Variants in MCM9 observed in about 807,000 individuals in gnomAD.
The protein encoded by MCM9 is DNA helicase MCM9.
MCM9 carries 55 observed loss-of-function variants against 72.8 expected under a neutral mutation model. That is an observed-to-expected ratio of 0.76 (90% CI 0.61 to 0.95). The LOEUF is 0.95. MCM9 is among the 40% of genes least tolerant of loss of function. The pLI, the probability that MCM9 is intolerant of heterozygous loss-of-function variation, is 0.00. For synonymous variants in MCM9, 480 were observed against 503.4 expected (o/e 0.95, Z 0.62); for missense variants, 1,279 against 1,377.0 (o/e 0.93, Z 1.13).
At chr6:118,869,219 T>C (rs1043424938) in intron 8 of MCM9, among the ~76,000 whole-genome samples, 1 of 151,930 alleles carries the variant, frequency 6.6e-6, no homozygotes, top group Admixed American at 6.6e-5. Flanking sequence ...ATGAGAACAC[T>C]TGGACACAAG....
In MCM9 at chr6:118,858,909, T is replaced by A. The variant is rs548322119; in HGVS notation, c.1151-2364A>T. 3.7e-4 allele frequency among the ~76,000 whole-genome samples: 57 copies of A among 152,278 alleles called. 3 individuals are homozygous for A. The South Asian group carries it at 0.012, about 31-fold the overall frequency. ...CAAGCAAAATCCTAGCATGATTTTT[T>A]AAAAAATAAATAAAGTGACAAGGTG... On this transcript the variant is annotated intron_variant, in intron 8 of 13. Transcript: ENST00000619706.
At chr6:118,881,220 T>C (rs1008729126) in intron 8 of MCM9, among the ~76,000 whole-genome samples, 1 of 152,106 alleles carries the variant, frequency 6.6e-6, no homozygotes, top group Non-Finnish European at 1.5e-5. Context: ...CAGCCAAGGA[T>C]TACGTATAAT....
At chr6:118,871,802 G>A (rs1009467102) in intron 8 of MCM9, among the ~76,000 whole-genome samples, 2 of 152,088 alleles carry the variant, frequency 1.3e-5, no homozygotes, top group African/African-American at 4.8e-5. Context: ...AGCTACTCAG[G>A]AGGCTGAGGC....
chr6:118,854,518 A>G (rs1005964163), intron 9 of MCM9, among the ~76,000 whole-genome samples: 4 of 152,030 alleles, frequency 2.6e-5, no homozygotes, highest in Non-Finnish European at 5.9e-5. Context: ...ATGCCCAACT[A>G]ATTTTTGTAT....
Position 118,931,471 on chromosome 6 carries a change from A to G in MCM9, c.253T>C (p.Ser85Pro), listed in dbSNP as rs1335421464. 3 of 1,613,998 alleles carry G rather than the reference A, an allele frequency of 1.9e-6. No homozygotes were observed. Among genetic ancestry groups the G allele is most frequent in the Non-Finnish European group, 2.5e-6 (3 of 1,179,942 alleles). Residue 85 changes from serine (S) to proline (P), a missense_variant, in exon 3 of 14, where the codon TCT becomes CCT. By Grantham distance (74) the Ser-to-Pro change is moderately conservative. Coordinates refer to ENST00000619706, the MANE Select transcript of MCM9 (RefSeq NM_017696.3). The stretch of plus-strand genomic sequence containing the variant: ...TTCATGGAAACAGCCTCAGGCTGAG[A>G]AAGGGACTGGAGAATTGTCAAGGCT... ...RSALTILQSL[S>P]QPEAVSMKQN... is the part of the protein sequence containing the mutation.
chr6:118,843,673 T>TATATATAC (rs1491145219), intron 9 of MCM9, among the ~76,000 whole-genome samples: 9 of 29,794 alleles, frequency 3.0e-4, no homozygotes, highest in Non-Finnish European at 4.3e-4. Flanking sequence ...TATATATGTA[T>TATATATAC]GTATATATAT....
Position 118,826,251 on chromosome 6 carries a change from G to C in MCM9, c.1857C>G (p.Ser619=). The C allele has an allele frequency of 6.4e-7, 1 of 1,550,508 alleles. No individual in the cohort carries two copies. The highest frequency in any genetic ancestry group is 1.2e-5 in the South Asian group (1 of 84,058). Residue 619 remains serine, a synonymous_variant, in exon 13 of 14, where the codon TCC becomes TCG. Coordinates refer to ENST00000619706, the MANE Select transcript of MCM9 (RefSeq NM_017696.3). The stretch of plus-strand genomic sequence containing the variant: ...ACTGCTCTCCAGGGTTTTCAGGAAA[G>C]GAAGTGTGGAGGGCATTCACACCTC... ...LLGGVNALHT[S]FPENPGEQYQ... is the part of the protein sequence containing the mutation.
chr6:118,931,626 T>A lies in MCM9; in HGVS notation c.98A>T (p.Asp33Val). ...CACAACTGGGTAATGAGCATCTTCA[T>A]CCCTTTCCTTCAAGATTAGAAGAAT... ...NDILLILKER[D>V]EDAHYPVVVN... Residue 33 changes from aspartate to valine, a missense_variant, in exon 3 of 14, where the codon GAT becomes GTT. Asp to Val is a radical substitution (Grantham distance 152). Coordinates refer to ENST00000619706, the MANE Select transcript of MCM9 (RefSeq NM_017696.3). The A allele has an allele frequency of 1.9e-6, 3 of 1,614,130 alleles. No homozygotes were observed. Among genetic ancestry groups the A allele is most frequent in the Non-Finnish European group, 2.5e-6 (3 of 1,180,012 alleles).
At position 118,826,957 on chromosome 6, in the gene MCM9, A is replaced by C. The variant is rs1774207725; in HGVS notation, c.1733-93T>G. 4 of 954,296 alleles carry C rather than the reference A, an allele frequency of 4.2e-6. No homozygotes were observed. The Admixed American group carries it at 9.3e-5, about 22-fold the overall frequency. 59.1% of individuals were successfully genotyped at this position (954,296 alleles called of 1,614,324 possible). On this transcript the variant is annotated intron_variant, in intron 11 of 13. Coordinates refer to ENST00000619706, the MANE Select transcript of MCM9 (RefSeq NM_017696.3). The stretch of plus-strand genomic sequence containing the variant: ...TCCTCCTCACCATTTGTATTTTATG[A>C]ATGAGCTATTAATAACAACATAATT...
intron 9 of MCM9, among the ~76,000 whole-genome samples, chr6:118,847,984 G>A (rs1339399420): frequency 6.6e-6 from 1 of 151,810 alleles, no homozygotes; most frequent in Non-Finnish European, 1.5e-5. Context: ...TCAATGCTAT[G>A]AAAAATGATT....
chr6:118,829,078 T>C lies in MCM9; in HGVS notation c.1498A>G (p.Ile500Val), dbSNP rs1278164486. 1.9e-6 allele frequency: 3 copies of C among 1,550,578 alleles called. No individual in the cohort carries two copies. Among genetic ancestry groups the C allele is most frequent in the African/African-American group, 1.4e-5 (1 of 73,052 alleles). ...LDTKNEDWDRIISSFILENKG... is the reference protein window; with the variant it reads ...LDTKNEDWDRVISSFILENKG... ...TTTTCTAAGATAAAGGAGGAAATGA[T>C]ACGATCCCAGTCTTCATTCTTGGTA... is the stretch of plus-strand genomic sequence containing the variant. Residue 500 changes from isoleucine to valine, a missense_variant, in exon 10 of 14, where the codon ATC (isoleucine) becomes GTC (valine). Transcript: ENST00000619706.
At chr6:118,882,850 G>A (rs1215224837) in intron 8 of MCM9, among the ~76,000 whole-genome samples, 3 of 152,074 alleles carry the variant, frequency 2.0e-5, no homozygotes, top group Non-Finnish European at 2.9e-5. Flanking sequence ...GATAAAAAAC[G>A]AGGCCTGGAG....
chr6:118,816,371 C>T, intron 13 of MCM9, 77 bp from the exon 14 acceptor site: 1 of 1,233,636 alleles, frequency 8.1e-7, no homozygotes, highest in Non-Finnish European at 1.1e-6. Context: ...TCTTTAGTCT[C>T]TGAGATACCA....
chr6:118,878,473 T>C (rs1013176404), intron 8 of MCM9, among the ~76,000 whole-genome samples: 12 of 152,154 alleles, frequency 7.9e-5, no homozygotes, highest in African/African-American at 2.9e-4. Flanking sequence ...TTTTCTTTTA[T>C]CTGATTTAAA....
At chr6:118,918,793 T>C (rs1202320329) in intron 5 of MCM9, 2 of 152,350 alleles carry the variant, frequency 1.3e-5, no homozygotes, top group East Asian at 3.8e-4. Flanking sequence ...TTATATGATA[T>C]GTGCTGATGA....
intron 9 of MCM9, among the ~76,000 whole-genome samples, chr6:118,843,720 G>GTATATATATATGTA (rs1554257163): frequency 9.8e-6 from 1 of 102,006 alleles, no homozygotes; most frequent in Admixed American, 1.1e-4. Flanking sequence ...ATATATATAT[G>GTATATATATATGTA]TATATATATA....
chr6:118,854,000 T>G (rs1776399070), intron 9 of MCM9, among the ~76,000 whole-genome samples: 1 of 152,208 alleles, frequency 6.6e-6, no homozygotes, highest in Non-Finnish European at 1.5e-5. Context: ...TACTTCCTAT[T>G]TGGAGATGCT....
At chr6:118,818,864 CTAGGTATTTTATT>C (rs1357575093) in intron 13 of MCM9, among the ~76,000 whole-genome samples, 5 of 152,042 alleles carry the variant, frequency 3.3e-5, no homozygotes, top group African/African-American at 1.2e-4. Flanking sequence ...AGTTGTATTC[CTAGGTATTTTATT>C]TTCTTTGTAG....
At chr6:118,826,676 G>T in intron 12 of MCM9, 106 bp downstream of exon 12, 1 of 790,514 alleles carries the variant, frequency 1.3e-6, no homozygotes, top group Non-Finnish European at 2.0e-6. Flanking sequence ...ACTAAGTCTA[G>T]AATATGAGCA....
Sources: gnomAD v4.1 joint callset for allele counts (sites outside exome capture counted in the v4.1 genomes callset) on GRCh38, gnomAD v4.1.1 for gene constraint, MANE v1.5 for transcripts, NCBI Gene and HGNC (gene_info 2026-07-23, HGNC 2026-07-21) for gene names.